Variants in MACROD2 observed in about 807,000 individuals in gnomAD.
MACROD2 encodes ADP-ribose glycohydrolase MACROD2.
MACROD2 carries 36 observed loss-of-function variants against 70.4 expected under a neutral mutation model. The observed-to-expected ratio is 0.51, with a 90% CI of 0.39 to 0.68. The LOEUF (loss-of-function observed/expected upper bound fraction) is 0.68. MACROD2 is among the 30% of genes least tolerant of loss of function. The pLI, the probability that MACROD2 is intolerant of heterozygous loss-of-function variation, is 0.00. For missense variants in MACROD2, 496 were observed against 538.4 expected, an observed-to-expected ratio of 0.92 and a Z score of 0.78; for synonymous variants, 172 against 178.8, an observed-to-expected ratio of 0.96 and a Z score of 0.30.
At chr20:15,699,569 G>T (rs953758472) in intron 8 of MACROD2, among the ~76,000 whole-genome samples, 4 of 152,104 alleles carry the variant, frequency 2.6e-5, no homozygotes, top group Non-Finnish European at 5.9e-5. Context: ...AGGAGGGGGC[G>T]CTTTCCAGAA....
At chr20:15,728,492 A>G (rs1316065342) in intron 8 of MACROD2, among the ~76,000 whole-genome samples, 1 of 152,108 alleles carries the variant, frequency 6.6e-6, no homozygotes, top group Non-Finnish European at 1.5e-5. Context: ...TCTTCTTTAT[A>G]CACTTGGTAG....
intron 5 of MACROD2, among the ~76,000 whole-genome samples, chr20:15,178,993 G>A (rs757673317): frequency 2.0e-5 from 3 of 152,168 alleles, no homozygotes; most frequent in Non-Finnish European, 4.4e-5. Flanking sequence ...GGCAGACATG[G>A]TGTGGTTACC....
chr20:14,119,389 A>G (rs4814283), intron 3 of MACROD2, among the ~76,000 whole-genome samples: 150,773 of 151,750 alleles, frequency 0.99, 74,909 homozygotes, highest in East Asian at 1. Context: ...GGCTGGTCTC[A>G]AACTCCTGAC....
chr20:15,955,899 G>A (rs1165914567), intron 12 of MACROD2, among the ~76,000 whole-genome samples: 1 of 152,000 alleles, frequency 6.6e-6, no homozygotes, highest in African/African-American at 2.4e-5. Context: ...AACCACCATG[G>A]CATATGTTTA....
At chr20:14,975,209 C>T (rs984484273) in intron 5 of MACROD2, among the ~76,000 whole-genome samples, 1 of 152,020 alleles carries the variant, frequency 6.6e-6, no homozygotes, top group Non-Finnish European at 1.5e-5. Flanking sequence ...AGTTGAGAAC[C>T]ACTGATTAGA....
intron 8 of MACROD2, among the ~76,000 whole-genome samples, chr20:15,608,410 C>T (rs752768858): frequency 9.2e-5 from 14 of 152,102 alleles, no homozygotes; most frequent in Non-Finnish European, 1.8e-4. Flanking sequence ...CATGGAAAGA[C>T]CTTTCTCTGC....
At chr20:15,140,203 C>G (rs2076181420) in intron 5 of MACROD2, among the ~76,000 whole-genome samples, 1 of 152,128 alleles carries the variant, frequency 6.6e-6, no homozygotes, top group Non-Finnish European at 1.5e-5. Context: ...TATGACTTGT[C>G]CTGACCCTCC....
intron 2 of MACROD2, among the ~76,000 whole-genome samples, chr20:14,023,665 C>T (rs1312663440): frequency 2.0e-5 from 3 of 152,166 alleles, no homozygotes. Context: ...GGAATCCTTT[C>T]CCCATTGCTT....
intron 3 of MACROD2, among the ~76,000 whole-genome samples, chr20:14,281,149 A>T (rs2082302910): frequency 6.6e-6 from 1 of 152,244 alleles, no homozygotes; most frequent in Non-Finnish European, 1.5e-5. Context: ...ATTTTTCATA[A>T]TAGCCAAAAA....
At chr20:14,566,816 C>T (rs1356886890) in intron 4 of MACROD2, 2 of 151,974 alleles carry the variant, frequency 1.3e-5, no homozygotes, top group Admixed American at 6.6e-5. Context: ...AACCACAGCA[C>T]AGCATTAACA....
At chr20:14,422,318 C>G (rs957560215) in intron 3 of MACROD2, among the ~76,000 whole-genome samples, 28 of 152,106 alleles carry the variant, frequency 1.8e-4, no homozygotes, top group Non-Finnish European at 4.4e-5. Flanking sequence ...CTAAATGAAG[C>G]CTCTTTTGGA....
chr20:15,756,501 T>C lies in MACROD2; in HGVS notation c.646-106244T>C, dbSNP rs890585492. ...AATAACATTGTTAAAGGTTGCAGCA[T>C]CTAGAGCCACACAAGTGTACCTCTT... is the stretch of plus-strand genomic sequence containing the variant. On this transcript the variant is annotated intron_variant, in intron 8 of 17. Transcript: ENST00000684519. Among the ~76,000 whole-genome samples the C allele has an allele frequency of 3.3e-5, 5 of 152,152 alleles. 1 individual carries two copies. Among genetic ancestry groups the C allele is most frequent in the Non-Finnish European group, 7.3e-5 (5 of 68,034 alleles).
chr20:14,026,332 G>A (rs1403949926), intron 2 of MACROD2, among the ~76,000 whole-genome samples: 2 of 152,160 alleles, frequency 1.3e-5, no homozygotes, highest in South Asian at 4.1e-4. Flanking sequence ...GGGGCATTTA[G>A]CCTGTTTACA....
intron 3 of MACROD2, among the ~76,000 whole-genome samples, chr20:14,449,839 T>C (rs35943017): frequency 0.16 from 23,678 of 152,076 alleles, 2,635 homozygotes; most frequent in Non-Finnish European, 0.23. Flanking sequence ...TTTCAAAGCC[T>C]ATGTTCTTAT....
chr20:14,456,205 A>G (rs1303952467), intron 3 of MACROD2, among the ~76,000 whole-genome samples: 1 of 151,886 alleles, frequency 6.6e-6, no homozygotes, highest in East Asian at 1.9e-4. Flanking sequence ...ATGAGTGTTG[A>G]AAAGACTTCA....
intron 3 of MACROD2, among the ~76,000 whole-genome samples, chr20:14,348,943 C>T (rs2083092139): frequency 6.6e-6 from 1 of 151,988 alleles, no homozygotes; most frequent in African/African-American, 2.4e-5. Flanking sequence ...TGGTACATGC[C>T]TATGGTTCCA....
intron 7 of MACROD2, among the ~76,000 whole-genome samples, chr20:15,437,540 G>A (rs113382935): frequency 3.3e-4 from 51 of 152,248 alleles, no homozygotes; most frequent in African/African-American, 1.2e-3. Flanking sequence ...TACATGTGAA[G>A]GTTTGTCACA....
intron 5 of MACROD2, among the ~76,000 whole-genome samples, chr20:14,977,711 C>T (rs560182680): frequency 2.6e-5 from 4 of 151,834 alleles, no homozygotes; most frequent in African/African-American, 7.2e-5. Flanking sequence ...ACAAGAATGG[C>T]GATGATGATG....
intron 5 of MACROD2, among the ~76,000 whole-genome samples, chr20:14,857,454 C>T (rs2073267226): frequency 6.6e-6 from 1 of 152,166 alleles, no homozygotes; most frequent in Non-Finnish European, 1.5e-5. Context: ...AACACCCTAA[C>T]ATTTGTGCCC....
Sources: allele counts gnomAD v4.1 joint callset (sites outside exome capture counted in the v4.1 genomes callset), GRCh38; gene constraint gnomAD v4.1.1; transcripts MANE v1.5; gene names NCBI Gene and HGNC (gene_info 2026-07-23, HGNC 2026-07-21).